The following PDZD2 variants were observed in gnomAD, a reference collection of about 807,000 sequenced individuals.
PDZD2 encodes the protein PDZ domain containing 2.
PDZD2 carries 90 observed loss-of-function variants against 220.7 expected under a neutral mutation model. The observed-to-expected ratio is 0.41, with a 90% CI of 0.34 to 0.49. The LOEUF (loss-of-function observed/expected upper bound fraction) is 0.49. PDZD2 is among the 20% of genes least tolerant of loss of function. The probability of loss-of-function intolerance (pLI) is 0.28; values close to 1 mark genes in which losing one functional copy is unlikely to be tolerated. For missense variants in PDZD2, 3,174 were observed against 3,608.5 expected (o/e 0.88, Z 3.08); for synonymous variants, 1,375 against 1,450.5 (o/e 0.95, Z 1.18).
intron 13 of PDZD2, among the ~76,000 whole-genome samples, 184 bp downstream of exon 13, chr5:32,059,540 T>C (rs973867990): frequency 1.3e-5 from 2 of 152,216 alleles, no homozygotes; most frequent in Non-Finnish European, 2.9e-5. Flanking sequence ...AAATGAAATT[T>C]GGTTGAATTT....
rs1222512745 is a variant in PDZD2 at position 32,089,343 on chromosome 5, C to T, written c.5895C>T (p.Ala1965=). The T allele has an allele frequency of 6.2e-7, 1 of 1,614,046 alleles. No individual in the cohort carries two copies. Among genetic ancestry groups the T allele is most frequent in the Non-Finnish European group, 8.5e-7 (1 of 1,180,032 alleles). The stretch of plus-strand genomic sequence containing the variant: ...TGCTGGAAAGCAAGCCACCTCTTGC[C>T]ACCTCTGGGCCACTGAAACCCTCAG... ...QCVLESKPPL[A]TSGPLKPSVS... The change falls in exon 20 of 25, where the codon GCC becomes GCT. Residue 1965 remains alanine (A), a synonymous_variant. Transcript: ENST00000438447.
chr5:32,080,167 T>C (rs11743759), intron 19 of PDZD2, among the ~76,000 whole-genome samples: 13,397 of 151,862 alleles, frequency 0.088, 748 homozygotes, highest in East Asian at 0.23. Context: ...GCTAACACAG[T>C]GAAACCCCAT....
chr5:31,867,738 A>T (rs1299089625), intron 2 of PDZD2, among the ~76,000 whole-genome samples: 1 of 152,162 alleles, frequency 6.6e-6, no homozygotes, highest in Non-Finnish European at 1.5e-5. Flanking sequence ...TCTGTGTGTG[A>T]TGAGGTGAAT....
In PDZD2 at chr5:31,767,027, C is replaced by CTTTTTTTTT. The variant is rs3032828; in HGVS notation, c.-360-31851_-360-31843dup. On this transcript the variant is annotated intron_variant, in intron 1 of 24. Coordinates refer to ENST00000438447, the MANE Select transcript of PDZD2 (RefSeq NM_178140.4). ...ACAGGTGTGAGCAACTGCACCCAGC[C>CTTTTTTTTT]TTTTTTTTTTTTTTTTTTTGAGACA... Among the ~76,000 whole-genome samples, 116 of 94,284 alleles carry CTTTTTTTTT rather than the reference C, an allele frequency of 1.2e-3. 4 individuals are homozygous for CTTTTTTTTT. The highest frequency in any genetic ancestry group is 3.2e-3 in the African/African-American group (66 of 20,314). The allele number at this position is 94,284 out of a possible 152,430, so 61.9% of individuals were successfully genotyped here.
chr5:31,723,575 A>G (rs1411343705), intron 1 of PDZD2, among the ~76,000 whole-genome samples: 1 of 152,088 alleles, frequency 6.6e-6, no homozygotes, highest in Non-Finnish European at 1.5e-5. Flanking sequence ...ACCTAGAGTG[A>G]GAGTGTTGTC....
intron 1 of PDZD2, among the ~76,000 whole-genome samples, chr5:31,780,096 G>A (rs1752968324): frequency 6.6e-6 from 1 of 152,140 alleles, no homozygotes; most frequent in Non-Finnish European, 1.5e-5. Context: ...CTGAAGAGTT[G>A]ACTTAATGGG....
At chr5:31,737,960 T>C (rs1750009002) in intron 1 of PDZD2, among the ~76,000 whole-genome samples, 1 of 152,178 alleles carries the variant, frequency 6.6e-6, no homozygotes. Context: ...CTCAGAGATG[T>C]GAAGTAACCT....
At chr5:31,846,718 T>A (rs1022314286) in intron 2 of PDZD2, among the ~76,000 whole-genome samples, 1 of 152,184 alleles carries the variant, frequency 6.6e-6, no homozygotes, top group Admixed American at 6.5e-5. Flanking sequence ...TGAGGTTTCT[T>A]CTCATGCTTT....
At chr5:32,100,611 T>G (rs955494640) in intron 23 of PDZD2, 7 of 345,850 alleles carry the variant, frequency 2.0e-5, no homozygotes, top group Non-Finnish European at 3.4e-5. Context: ...TCTGGGTTCC[T>G]GGGGGCTTTG....
chr5:31,729,190 G>A (rs6895437), intron 1 of PDZD2, among the ~76,000 whole-genome samples: 2,024 of 138,810 alleles, frequency 0.015, 54 homozygotes, highest in African/African-American at 0.051. Flanking sequence ...TGCAACCTCC[G>A]CCTCCTGGAT....
chr5:31,884,832 AGAG>A (rs1740296378), intron 2 of PDZD2, among the ~76,000 whole-genome samples: 1 of 152,020 alleles, frequency 6.6e-6, no homozygotes, highest in African/African-American at 2.4e-5. Flanking sequence ...TAGTAGAGAT[AGAG>A]TTTTGCCATG....
At chr5:32,085,726 C>T (rs1482950711) in intron 19 of PDZD2, among the ~76,000 whole-genome samples, 1 of 152,140 alleles carries the variant, frequency 6.6e-6, no homozygotes, top group African/African-American at 2.4e-5. Context: ...GGATTACAGG[C>T]GTGAGCCACC....
intron 1 of PDZD2, among the ~76,000 whole-genome samples, chr5:31,680,813 T>C (rs1043221456): frequency 5.9e-5 from 9 of 152,168 alleles, no homozygotes; most frequent in East Asian, 1.9e-4. Context: ...ATGCTTCCTG[T>C]TGTGGGTGCA....
intron 2 of PDZD2, among the ~76,000 whole-genome samples, chr5:31,902,055 C>T (rs769428318): frequency 3.3e-5 from 5 of 152,128 alleles, no homozygotes; most frequent in Non-Finnish European, 5.9e-5. Context: ...CATTCATGTA[C>T]GAGATTTGTG....
intron 1 of PDZD2, among the ~76,000 whole-genome samples, chr5:31,703,991 TCCTTCCTTC>T (rs1400148377): frequency 7.3e-5 from 11 of 150,776 alleles, no homozygotes; most frequent in African/African-American, 2.0e-4. Flanking sequence ...TTCCTTTCTT[TCCTTCCTTC>T]CCTTCCTTCC....
chr5:31,713,859 A>AT (rs1748275349), intron 1 of PDZD2, among the ~76,000 whole-genome samples: 1 of 152,100 alleles, frequency 6.6e-6, no homozygotes, highest in South Asian at 2.1e-4. Flanking sequence ...TCCACTTTCC[A>AT]TTTTACCATG....
At chr5:31,748,868 G>A (rs1483099076) in intron 1 of PDZD2, among the ~76,000 whole-genome samples, 1 of 152,182 alleles carries the variant, frequency 6.6e-6, no homozygotes, top group African/African-American at 2.4e-5. Context: ...ATTCCAGTGG[G>A]GCTGGGCTTG....
At chr5:31,903,714 A>G (rs1224408163) in intron 2 of PDZD2, among the ~76,000 whole-genome samples, 1 of 151,566 alleles carries the variant, frequency 6.6e-6, no homozygotes, top group Non-Finnish European at 1.5e-5. Context: ...AGTGAAAAAC[A>G]TTTTTTGTTT....
At chr5:32,002,926 C>A (rs542866291) in intron 5 of PDZD2, among the ~76,000 whole-genome samples, 1 of 123,416 alleles carries the variant, frequency 8.1e-6, no homozygotes, top group South Asian at 2.9e-4. Flanking sequence ...ACACCACACA[C>A]ACCTCACACA....
Sources: allele counts gnomAD v4.1 joint callset (sites outside exome capture counted in the v4.1 genomes callset), GRCh38; gene constraint gnomAD v4.1.1; transcripts MANE v1.5; gene names NCBI Gene and HGNC (gene_info 2026-07-23, HGNC 2026-07-21).